Variants in OSBPL1A observed in about 807,000 individuals in gnomAD.
The protein encoded by OSBPL1A is oxysterol binding protein like 1A.
In OSBPL1A, 80 loss-of-function variants were observed where a neutral mutation model predicts 137.1. The observed-to-expected ratio is 0.58, with a 90% confidence interval of 0.49 to 0.70. The LOEUF is 0.70. Ranked by LOEUF, OSBPL1A falls within the 30% of genes least tolerant of loss-of-function variation. The pLI, the probability that OSBPL1A is intolerant of heterozygous loss-of-function variation, is 0.00. For synonymous variants in OSBPL1A, 365 were observed against 389.7 expected, an observed-to-expected ratio of 0.94 and a Z score of 0.75; for missense variants, 970 against 1,129.4, an observed-to-expected ratio of 0.86 and a Z score of 2.02.
intron 16 of OSBPL1A, among the ~76,000 whole-genome samples, chr18:24,228,052 C>T (rs144762722): frequency 2.2e-4 from 33 of 152,174 alleles, no homozygotes; most frequent in African/African-American, 7.7e-4. Context: ...GAAGCAAAGA[C>T]GGACTTCGCA....
At chr18:24,320,882 A>T (rs541986055) in intron 7 of OSBPL1A, among the ~76,000 whole-genome samples, 1 of 152,126 alleles carries the variant, frequency 6.6e-6, no homozygotes, top group African/African-American at 2.4e-5. Context: ...TACAAAAATT[A>T]GCTGGGTGTG....
At chr18:24,260,685 T>C (rs1599579412) in intron 15 of OSBPL1A, among the ~76,000 whole-genome samples, 1 of 152,036 alleles carries the variant, frequency 6.6e-6, no homozygotes, top group Admixed American at 6.6e-5. Context: ...GGGTACAGGG[T>C]TCCTTGTGGA....
intron 18 of OSBPL1A, among the ~76,000 whole-genome samples, chr18:24,189,983 A>G (rs961094246): frequency 1.3e-5 from 2 of 152,266 alleles, no homozygotes; most frequent in African/African-American, 4.8e-5. Context: ...CAGTGCAACC[A>G]ATGAGAAAAC....
chr18:24,221,523 C>T (rs561131735), intron 17 of OSBPL1A, among the ~76,000 whole-genome samples: 33 of 152,314 alleles, frequency 2.2e-4, no homozygotes, highest in African/African-American at 7.9e-4. Context: ...AAATCCTTCC[C>T]TATCTTAAAC....
chr18:24,301,871 C>T (rs975393202), intron 14 of OSBPL1A, among the ~76,000 whole-genome samples: 15 of 152,218 alleles, frequency 9.9e-5, no homozygotes, highest in African/African-American at 3.6e-4. Context: ...CATTTCCTCA[C>T]ATTCTCTGGA....
At chr18:24,342,641 C>T (rs1033484801) in intron 4 of OSBPL1A, among the ~76,000 whole-genome samples, 1 of 152,056 alleles carries the variant, frequency 6.6e-6, no homozygotes, top group Non-Finnish European at 1.5e-5. Flanking sequence ...GCAAAAAATG[C>T]TTAAATAAAA....
intron 15 of OSBPL1A, among the ~76,000 whole-genome samples, chr18:24,260,359 A>C (rs981982923): frequency 6.6e-6 from 1 of 152,202 alleles, no homozygotes; most frequent in African/African-American, 2.4e-5. Flanking sequence ...ATACTTGCAA[A>C]AACATTCACA....
chr18:24,394,943 G>A (rs550893794), intron 1 of OSBPL1A, among the ~76,000 whole-genome samples: 5 of 152,296 alleles, frequency 3.3e-5, no homozygotes, highest in Admixed American at 2.0e-4. Context: ...ACCTCACACA[G>A]CCCCCTTAAT....
At chr18:24,167,529 CA>C (rs1373255819) in intron 24 of OSBPL1A, 84 bp from the exon 25 acceptor site, 6 of 1,101,582 alleles carry the variant, frequency 5.4e-6, no homozygotes, top group Admixed American at 3.4e-5. Context: ...TTTCAGTCAA[CA>C]ACAGACTGTA....
chr18:24,299,819 T>C (rs1323768038), intron 14 of OSBPL1A, among the ~76,000 whole-genome samples: 2 of 152,208 alleles, frequency 1.3e-5, no homozygotes, highest in African/African-American at 4.8e-5. Context: ...AGTTGGCATG[T>C]AAAATAACAT....
chr18:24,350,593 G>A (rs2091422036), intron 4 of OSBPL1A, among the ~76,000 whole-genome samples: 1 of 152,014 alleles, frequency 6.6e-6, no homozygotes, highest in African/African-American at 2.4e-5. Context: ...AGCCCAGCCT[G>A]TCATTCTAAT....
At chr18:24,218,505 G>C (rs961451018) in intron 17 of OSBPL1A, 5 of 152,412 alleles carry the variant, frequency 3.3e-5, no homozygotes, top group African/African-American at 1.2e-4. Context: ...GAGCAGTGGG[G>C]TGCTTTCGGC....
chr18:24,376,009 G>A (rs758763351), intron 2 of OSBPL1A, among the ~76,000 whole-genome samples: 6 of 152,162 alleles, frequency 3.9e-5, no homozygotes, highest in Non-Finnish European at 7.4e-5. Context: ...GCAGACCTTC[G>A]CAGTGAGTGT....
intron 17 of OSBPL1A, among the ~76,000 whole-genome samples, chr18:24,220,307 A>T (rs2087847470): frequency 6.6e-6 from 1 of 152,132 alleles, no homozygotes; most frequent in Admixed American, 6.5e-5. Context: ...CTTGGTCCCT[A>T]GTTCTCTTTT....
At chr18:24,182,984 T>C (rs2086646773) in intron 18 of OSBPL1A, among the ~76,000 whole-genome samples, 1 of 152,102 alleles carries the variant, frequency 6.6e-6, no homozygotes, top group Non-Finnish European at 1.5e-5. Flanking sequence ...TTCTCCTGCC[T>C]CAGCCTCCGG....
rs114107560 is a variant in OSBPL1A at position 24,244,789 on chromosome 18, G to A, written c.1282-5407C>T. The stretch of plus-strand genomic sequence containing the variant: ...AAACAGTCATGTGCTAGCCAGCTAC[G>A]ACACATTCACCTACGCTCTCATTCT... On this transcript the variant is annotated intron_variant, in intron 15 of 27. Coordinates refer to ENST00000319481, the MANE Select transcript of OSBPL1A (RefSeq NM_080597.4). Among the ~76,000 whole-genome samples, 798 of 152,286 alleles carry A rather than the reference G, an allele frequency of 5.2e-3. 6 individuals are homozygous for A. The highest frequency in any genetic ancestry group is 0.017 in the African/African-American group (720 of 41,564).
intron 5 of OSBPL1A, among the ~76,000 whole-genome samples, chr18:24,334,884 T>C (rs2091146887): frequency 6.6e-6 from 1 of 152,118 alleles, no homozygotes; most frequent in South Asian, 2.1e-4. Context: ...GCACAGGACA[T>C]TGTAGATGTA....
At chr18:24,340,564 G>A (rs1199967691) in intron 5 of OSBPL1A, among the ~76,000 whole-genome samples, 1 of 152,110 alleles carries the variant, frequency 6.6e-6, no homozygotes, top group Non-Finnish European at 1.5e-5. Flanking sequence ...CAGCACTTTG[G>A]GAGGCCAAGG....
chr18:24,334,105 CT>C, intron 6 of OSBPL1A, 139 bp downstream of exon 6: 2 of 553,342 alleles, frequency 3.6e-6, no homozygotes, highest in Non-Finnish European at 6.1e-6. Flanking sequence ...ATATTAAGAA[CT>C]TTGGTTCTAC....
Sources: allele counts gnomAD v4.1 joint callset (sites outside exome capture counted in the v4.1 genomes callset), GRCh38; gene constraint gnomAD v4.1.1; transcripts MANE v1.5; gene names NCBI Gene and HGNC (gene_info 2026-07-23, HGNC 2026-07-21).